The following FAM120C variants were observed in gnomAD, a reference collection of about 807,000 sequenced individuals.
The protein encoded by FAM120C is constitutive coactivator of PPAR-gamma-like protein 2.
In FAM120C, 14 loss-of-function variants were observed where a neutral mutation model predicts 71.2. The ratio of observed to expected loss-of-function variants is 0.20; its 90% CI spans 0.13 to 0.31. FAM120C has a LOEUF of 0.31. Among genes scored for constraint, FAM120C ranks in the 10% least tolerant of loss-of-function variants. The pLI, the probability that FAM120C is intolerant of heterozygous loss-of-function variation, is 1.00. For synonymous variants in FAM120C, 354 were observed against 353.2 expected, an observed-to-expected ratio of 1.00 and a Z score of -0.03; for missense variants, 500 against 879.0, an observed-to-expected ratio of 0.57 and a Z score of 5.45.
intron 11 of FAM120C, among the ~76,000 whole-genome samples, chrX:54,091,086 T>C (rs1203998915): frequency 8.9e-6 from 1 of 112,467 alleles, no homozygotes; most frequent in Non-Finnish European, 1.9e-5. Flanking sequence ...ATATTTATTT[T>C]CCTTGCGTAA....
intron 7 of FAM120C, among the ~76,000 whole-genome samples, chrX:54,134,367 G>T (rs1557130032): frequency 8.9e-6 from 1 of 112,098 alleles, no homozygotes; most frequent in African/African-American, 3.2e-5. Flanking sequence ...TGTTTCCCAG[G>T]ACTAATCTGC....
intron 7 of FAM120C, among the ~76,000 whole-genome samples, chrX:54,134,247 A>T (rs1557130013): frequency 9.0e-6 from 1 of 111,675 alleles, no homozygotes; most frequent in Non-Finnish European, 1.9e-5. Flanking sequence ...AACCAAAGTG[A>T]TCAAAAGTCA....
intron 13 of FAM120C, among the ~76,000 whole-genome samples, chrX:54,084,714 C>CA (rs140242950): frequency 2.2e-5 from 2 of 92,353 alleles, no homozygotes; most frequent in African/African-American, 8.0e-5. Flanking sequence ...GACCAGGCCT[C>CA]AAAAAAAAAA....
chrX:54,084,116 G>C (rs2066781953), intron 13 of FAM120C, among the ~76,000 whole-genome samples: 1 of 111,959 alleles, frequency 8.9e-6, no homozygotes, highest in South Asian at 3.7e-4. Flanking sequence ...TGAACCACCA[G>C]TAACTGGAGA....
At position 54,132,702 on chromosome X, in the gene FAM120C, C is replaced by T; in HGVS notation, c.2052G>A (p.Leu684=). Residue 684 remains leucine (L), a synonymous_variant, in exon 9 of 16, where the codon CTG becomes CTA. Coordinates refer to ENST00000375180, the MANE Select transcript of FAM120C (RefSeq NM_017848.6). Reference sequence around the variant, plus strand: ...TAGAACTACACTTACCTTCCACAGGCAGCCGCCGTCGCATGGCCAAGCGTT... The same window carrying T: ...TAGAACTACACTTACCTTCCACAGGTAGCCGCCGTCGCATGGCCAAGCGTT... ...KMERLAMRRR[L]PVEVPSVILK... The T allele has an allele frequency of 4.2e-6, 5 of 1,202,681 alleles. No individual in the cohort carries two copies. The highest frequency in any genetic ancestry group is 5.6e-6 in the Non-Finnish European group (5 of 891,538).
At chrX:54,125,298 C>T (rs1051116810) in intron 9 of FAM120C, among the ~76,000 whole-genome samples, 1 of 110,647 alleles carries the variant, frequency 9.0e-6, no homozygotes, top group Non-Finnish European at 1.9e-5. Flanking sequence ...ATACCTCTGC[C>T]TAGTCTTTTT....
intron 4 of FAM120C, among the ~76,000 whole-genome samples, chrX:54,137,824 C>A (rs2067102288): frequency 8.9e-6 from 1 of 111,834 alleles, no homozygotes; most frequent in Non-Finnish European, 1.9e-5. Context: ...TATGAAGTAA[C>A]TGAACTCCAG....
At chrX:54,089,972 A>T (rs1194213351) in intron 11 of FAM120C, among the ~76,000 whole-genome samples, 3 of 110,359 alleles carry the variant, frequency 2.7e-5, no homozygotes, top group African/African-American at 9.9e-5. Flanking sequence ...AAAAAAAAAA[A>T]TAGTGAGACA....
chrX:54,137,253 A>T lies in FAM120C; in HGVS notation c.1159-663T>A, dbSNP rs782462409. On this transcript the variant is annotated intron_variant, in intron 4 of 15. Coordinates refer to ENST00000375180, the MANE Select transcript of FAM120C (RefSeq NM_017848.6). ...CAGGCGTAAGCCACGGTGCCCGGCC[A>T]ATTTTTTTTTATTTTTGCTCAGGCT... Among the ~76,000 whole-genome samples the T allele has an allele frequency of 4.1e-4, 45 of 110,530 alleles. No individual in the cohort carries two copies. The South Asian group carries it at 0.016, about 40-fold the overall frequency.
intron 15 of FAM120C, among the ~76,000 whole-genome samples, chrX:54,077,447 T>A (rs994193562): frequency 2.7e-5 from 3 of 111,089 alleles, no homozygotes; most frequent in Non-Finnish European, 3.8e-5. Flanking sequence ...ATCCCGGCAC[T>A]TTGGGAGACC....
In FAM120C at chrX:54,073,179, G is replaced by A. The variant is rs1557120253; in HGVS notation, c.3145C>T (p.Arg1049Cys). 1.7e-6 allele frequency: 2 copies of A among 1,211,183 alleles called. No individual in the cohort carries two copies. The highest frequency in any genetic ancestry group is 3.0e-5 in the East Asian group (1 of 33,815). The change falls in exon 16 of 16, where the codon CGT becomes TGT. Residue 1049 changes from arginine to cysteine, a missense_variant. Physicochemically the swap from Arg to Cys is radical, Grantham distance 180. Transcript: ENST00000375180. ...GCACATTGTGATGGAGCTGGAAGAC[G>A]ATGATCACTCTTCTCTTCCTTGATC... is the stretch of plus-strand genomic sequence containing the variant. ...ALIKEEKSDH[R>C]LPAPSQCALS... is the part of the protein sequence containing the mutation.
intron 15 of FAM120C, among the ~76,000 whole-genome samples, chrX:54,078,232 C>T (rs1046044377): frequency 9.9e-6 from 1 of 101,236 alleles, no homozygotes; most frequent in Non-Finnish European, 2.0e-5. Context: ...CGTGAGCCAC[C>T]GCGCCCGGCC....
intron 4 of FAM120C, among the ~76,000 whole-genome samples, chrX:54,143,820 C>G (rs782673213): frequency 9.0e-6 from 1 of 111,703 alleles, no homozygotes; most frequent in African/African-American, 3.3e-5. Context: ...TTTTATGAGG[C>G]CAGCATCATC....
At chrX:54,073,952 A>G (rs2066723232) in intron 15 of FAM120C, among the ~76,000 whole-genome samples, 1 of 110,370 alleles carries the variant, frequency 9.1e-6, no homozygotes, top group African/African-American at 3.3e-5. Flanking sequence ...CAGCCCCCCA[A>G]GTAGCTGGGA....
chrX:54,094,218 C>T (rs1010367135), intron 10 of FAM120C, among the ~76,000 whole-genome samples: 2 of 108,107 alleles, frequency 1.9e-5, no homozygotes, highest in Admixed American at 1.0e-4. Context: ...CTGCCTCAGC[C>T]TCTCGAGTAG....
chrX:54,129,868 A>C (rs1245898239), intron 9 of FAM120C, among the ~76,000 whole-genome samples: 5 of 110,736 alleles, frequency 4.5e-5, no homozygotes, highest in African/African-American at 1.6e-4. Flanking sequence ...AAAAATATGA[A>C]AACCAGTCAG....
intron 3 of FAM120C, among the ~76,000 whole-genome samples, chrX:54,155,802 A>G (rs2067206506): frequency 1.8e-5 from 2 of 111,670 alleles, no homozygotes; most frequent in South Asian, 7.6e-4. Flanking sequence ...TAAGTTGGCC[A>G]AAGGAGATGG....
chrX:54,077,735 A>G (rs1557120807), intron 15 of FAM120C, among the ~76,000 whole-genome samples: 1 of 110,724 alleles, frequency 9.0e-6, no homozygotes, highest in East Asian at 2.8e-4. Flanking sequence ...GGTTTCAATG[A>G]GCTCACGTGT....
At chrX:54,082,409 T>C (rs1557121442) in intron 13 of FAM120C, among the ~76,000 whole-genome samples, 1 of 110,334 alleles carries the variant, frequency 9.1e-6, no homozygotes, top group Non-Finnish European at 1.9e-5. Flanking sequence ...CCTAAACTAC[T>C]CTTTTTTTTG....
Sources: gnomAD v4.1 joint callset for allele counts (sites outside exome capture counted in the v4.1 genomes callset) on GRCh38, gnomAD v4.1.1 for gene constraint, MANE v1.5 for transcripts, NCBI Gene and HGNC (gene_info 2026-07-23, HGNC 2026-07-21) for gene names.